Variants in LOC112694756 observed in about 807,000 individuals in gnomAD.
At chr16:30,055,199 T>C in the LOC112694756 span, 1 of 399,178 alleles carries the variant, frequency 2.5e-6, no homozygotes, top group South Asian at 1.3e-4. Context: ...GGACGGTAGC[T>C]CCCCCTGCAG....
the LOC112694756 span, among the ~76,000 whole-genome samples, chr16:30,060,834 C>A: frequency 6.6e-6 from 1 of 152,186 alleles, no homozygotes; most frequent in South Asian, 2.1e-4. Flanking sequence ...TAGCCTCCCC[C>A]AAGGAGGCAG....
chr16:30,064,960 A>C, the LOC112694756 span: 1 of 154,448 alleles, frequency 6.5e-6, no homozygotes, highest in East Asian at 1.9e-4. Context: ...AGTCAGGCTC[A>C]AGGAAGACGT....
At chr16:30,070,266 CT>C in the LOC112694756 span, 1 of 1,576,378 alleles carries the variant, frequency 6.3e-7, no homozygotes. Flanking sequence ...CCCTCCCACT[CT>C]TGAAGAGGAG....
the LOC112694756 span, among the ~76,000 whole-genome samples, chr16:30,065,210 C>T: frequency 1.3e-5 from 2 of 152,228 alleles, no homozygotes; most frequent in Admixed American, 1.3e-4. Flanking sequence ...TCTCGATGCC[C>T]TTTCCTCCGC....
the LOC112694756 span, chr16:30,068,551 T>C: frequency 3.5e-5 from 48 of 1,362,458 alleles, no homozygotes; most frequent in Non-Finnish European, 4.9e-5. Context: ...TTCAGTGAGC[T>C]GAGATTCCAC....
chr16:30,065,490 C>A, the LOC112694756 span, among the ~76,000 whole-genome samples: 1 of 152,222 alleles, frequency 6.6e-6, no homozygotes, highest in Non-Finnish European at 1.5e-5. Context: ...GTCACGGCGC[C>A]CCAGAGCGCG....
chr16:30,066,998 C>T, the LOC112694756 span: 1 of 1,564,560 alleles, frequency 6.4e-7, no homozygotes, highest in Non-Finnish European at 8.7e-7. Flanking sequence ...CAACTCCACC[C>T]TCAGCTGGGC....
chr16:30,068,166 G>A, the LOC112694756 span: 4 of 275,274 alleles, frequency 1.5e-5, no homozygotes, highest in East Asian at 9.8e-5. Flanking sequence ...CCAGGTTCAC[G>A]CCATTCTCCT....
chr16:30,055,477 A>AG, the LOC112694756 span: 1 of 397,630 alleles, frequency 2.5e-6, no homozygotes, highest in Admixed American at 4.4e-5. Context: ...CCAGGTAAAA[A>AG]CAACCTATCA....
the LOC112694756 span, chr16:30,069,908 T>C: frequency 6.2e-7 from 1 of 1,614,156 alleles, no homozygotes; most frequent in African/African-American, 1.3e-5. Flanking sequence ...TGCCCCCTGC[T>C]GAAGCCCTGG....
chr16:30,060,641 G>C, the LOC112694756 span, among the ~76,000 whole-genome samples: 1 of 152,096 alleles, frequency 6.6e-6, no homozygotes, highest in Non-Finnish European at 1.5e-5. Context: ...CCTCTTTTCT[G>C]AGGTAATGGC....
At chr16:30,060,841 G>T in the LOC112694756 span, among the ~76,000 whole-genome samples, 1 of 152,128 alleles carries the variant, frequency 6.6e-6, no homozygotes, top group South Asian at 2.1e-4. Context: ...CCCCAAGGAG[G>T]CAGTTCTGTT....
At chr16:30,062,512 C>T in the LOC112694756 span, among the ~76,000 whole-genome samples, 1 of 129,086 alleles carries the variant, frequency 7.7e-6, no homozygotes, top group African/African-American at 3.0e-5. Flanking sequence ...AGCCTGGCAA[C>T]AGAGCGAGAC....
the LOC112694756 span, chr16:30,064,016 G>A: frequency 3.5e-5 from 14 of 398,694 alleles, no homozygotes; most frequent in Non-Finnish European, 6.2e-5. Context: ...AGGACTCTTG[G>A]CCGGCTGGAC....
At chr16:30,069,431 G>A in the LOC112694756 span, 113 of 1,613,892 alleles carry the variant, frequency 7.0e-5, no homozygotes, top group Non-Finnish European at 9.2e-5. Flanking sequence ...TGGCTGGCCG[G>A]GGACCCTGGG....
the LOC112694756 span, chr16:30,067,684 T>C: frequency 1.9e-6 from 3 of 1,613,524 alleles, no homozygotes; most frequent in Non-Finnish European, 2.5e-6. Context: ...CCTCCGGACG[T>C]GAGGTTTGAG....
the LOC112694756 span, among the ~76,000 whole-genome samples, chr16:30,059,548 T>TC: frequency 1.3e-5 from 2 of 149,982 alleles, no homozygotes; most frequent in African/African-American, 5.0e-5. Context: ...TTTTTTTTTT[T>TC]CCCAGGCAGG....
chr16:30,070,375 T>C, the LOC112694756 span: 1 of 667,310 alleles, frequency 1.5e-6, no homozygotes. Context: ...TCCATCACCC[T>C]TTCCGGCACA....
chr16:30,068,587 TGGAAAGG>T, the LOC112694756 span: 1 of 1,583,554 alleles, frequency 6.3e-7, no homozygotes, highest in South Asian at 1.1e-5. Context: ...GGGGCGACAG[TGGAAAGG>T]GTGCTAGAGG....
Sources: allele counts gnomAD v4.1 joint callset (sites outside exome capture counted in the v4.1 genomes callset), GRCh38; gene constraint gnomAD v4.1.1; transcripts MANE v1.5.